TTC33: variants seen among roughly 807,000 people sequenced by gnomAD.
TTC33 encodes the protein tetratricopeptide repeat domain 33.
In TTC33, 24 loss-of-function variants were observed where a neutral mutation model predicts 29.4. The observed-to-expected ratio is 0.82, with a 90% confidence interval of 0.59 to 1.15. The LOEUF (loss-of-function observed/expected upper bound fraction) is 1.15. TTC33 is among the 50% of genes most tolerant of loss of function. The pLI is 0.00. For missense variants in TTC33, 286 were observed against 310.4 expected (o/e 0.92, Z 0.59); for synonymous variants, 107 against 100.3 (o/e 1.07, Z -0.40).
chr5:40,728,278 T>G, intron 4 of TTC33, 67 bp downstream of exon 4: 1 of 173,852 alleles, frequency 5.8e-6, no homozygotes, highest in Non-Finnish European at 1.0e-5. Context: ...CAAGACTCCA[T>G]CTCAAAAAAA....
intron 1 of TTC33, among the ~76,000 whole-genome samples, chr5:40,755,509 C>G (rs1742968685): frequency 6.6e-6 from 1 of 152,238 alleles, no homozygotes. Flanking sequence ...CCGGCTCGTC[C>G]CGCCCGTCCC....
rs1222934034 is a variant in TTC33 at position 40,714,686 on chromosome 5, T to A, written c.*1459A>T. The A allele has an allele frequency of 6.6e-6, 1 of 152,240 alleles. No individual in the cohort carries two copies. The highest frequency in any genetic ancestry group is 1.5e-5 in the Non-Finnish European group (1 of 67,970). The allele number at this position is 152,240 out of a possible 1,614,324, so 9.4% of individuals were successfully genotyped here. The stretch of plus-strand genomic sequence containing the variant: ...GAGCTAATTTTCTGATGATATAACT[T>A]AAGGAAAGAATATTCTTTTCAAGGC... On this transcript the variant is annotated 3_prime_UTR_variant, in exon 5 of 5. Transcript: ENST00000337702.
intron 3 of TTC33, among the ~76,000 whole-genome samples, chr5:40,729,706 T>A (rs1351975919): frequency 6.6e-6 from 1 of 152,084 alleles, no homozygotes; most frequent in Non-Finnish European, 1.5e-5. Flanking sequence ...TATTTACTTA[T>A]TTATTTTTTT....
At chr5:40,724,661 A>G (rs1287353605) in intron 4 of TTC33, among the ~76,000 whole-genome samples, 1 of 152,052 alleles carries the variant, frequency 6.6e-6, no homozygotes, top group Non-Finnish European at 1.5e-5. Flanking sequence ...CAAACAAAAA[A>G]AAACAGAACA....
At chr5:40,731,362 ACAC>A (rs1742423367) in intron 2 of TTC33, among the ~76,000 whole-genome samples, 1 of 80,120 alleles carries the variant, frequency 1.2e-5, no homozygotes, top group African/African-American at 4.3e-5. Context: ...ATCCCCTGCT[ACAC>A]ATACACACAC....
intron 4 of TTC33, among the ~76,000 whole-genome samples, chr5:40,718,971 T>C (rs1229696981): frequency 6.6e-6 from 1 of 152,174 alleles, no homozygotes; most frequent in African/African-American, 2.4e-5. Context: ...CTTAATATTC[T>C]AATAAAAATC....
rs138219722 is a variant in TTC33, at chr5:40,751,058, A to T, written c.-1-4039T>A. 6.6e-5 allele frequency among the ~76,000 whole-genome samples: 10 copies of T among 152,366 alleles called. No homozygotes were observed. In the East Asian group the frequency reaches 1.3e-3, roughly 21 times the overall value. On this transcript the variant is annotated intron_variant, in intron 1 of 4. Transcript: ENST00000337702. Reference sequence around the variant, plus strand: ...GTTGATATTTTGACCACCTCCCATGAATCACAAATATTCCTAATGGTTATC... The same window carrying T: ...GTTGATATTTTGACCACCTCCCATGTATCACAAATATTCCTAATGGTTATC...
chr5:40,731,877 C>A (rs1435403042), intron 2 of TTC33, among the ~76,000 whole-genome samples: 2 of 152,246 alleles, frequency 1.3e-5, no homozygotes, highest in Non-Finnish European at 2.9e-5. Context: ...AGTACCACTT[C>A]AGACCACATA....
At chr5:40,752,465 T>G (rs1405908334) in intron 1 of TTC33, among the ~76,000 whole-genome samples, 1 of 152,234 alleles carries the variant, frequency 6.6e-6, no homozygotes, top group Non-Finnish European at 1.5e-5. Flanking sequence ...GATGTGTAAC[T>G]CTTCCTTTCA....
rs145187735 is a variant in TTC33 at position 40,719,848 on chromosome 5, T to C, written c.436-3350A>G. Among the ~76,000 whole-genome samples the C allele has an allele frequency of 1.1e-3, 174 of 152,344 alleles. 1 individual carries two copies. The highest frequency in any genetic ancestry group is 4.0e-3 in the African/African-American group (168 of 41,590). ...TGTGTGTGTATCTTCTTTGGAAAAATACCTTTTCAAATCCTTTGTCTATTT... is the reference window on the plus strand; with the variant it reads ...TGTGTGTGTATCTTCTTTGGAAAAACACCTTTTCAAATCCTTTGTCTATTT... On this transcript the variant is annotated intron_variant, in intron 4 of 4. Transcript: ENST00000337702.
At chr5:40,721,686 A>G (rs1742139177) in intron 4 of TTC33, among the ~76,000 whole-genome samples, 1 of 150,218 alleles carries the variant, frequency 6.7e-6, no homozygotes, top group Non-Finnish European at 1.5e-5. Context: ...AAAAACAAAA[A>G]CAAAACAAAA....
intron 4 of TTC33, among the ~76,000 whole-genome samples, chr5:40,719,012 C>T (rs963378892): frequency 6.6e-6 from 1 of 152,050 alleles, no homozygotes; most frequent in Non-Finnish European, 1.5e-5. Context: ...AAAATAAATA[C>T]CTCTTCATGG....
intron 4 of TTC33, among the ~76,000 whole-genome samples, chr5:40,724,360 C>A (rs1327870645): frequency 6.6e-6 from 1 of 152,124 alleles, no homozygotes; most frequent in Non-Finnish European, 1.5e-5. Flanking sequence ...TGAGGCAAGG[C>A]ACAGTGGCTC....
chr5:40,745,259 T>C (rs1235476164), intron 2 of TTC33, among the ~76,000 whole-genome samples: 5 of 152,046 alleles, frequency 3.3e-5, no homozygotes, highest in Admixed American at 6.6e-5. Context: ...GAACTAATAT[T>C]AGATATAAAA....
intron 4 of TTC33, among the ~76,000 whole-genome samples, chr5:40,723,125 T>C (rs2111877924): frequency 6.6e-6 from 1 of 152,270 alleles, no homozygotes; most frequent in African/African-American, 2.4e-5. Context: ...TGTTAATCTA[T>C]AACCTTACCC....
At chr5:40,751,618 A>C (rs998736595) in intron 1 of TTC33, among the ~76,000 whole-genome samples, 2 of 152,210 alleles carry the variant, frequency 1.3e-5, no homozygotes, top group Non-Finnish European at 2.9e-5. Context: ...CAGCTATGAA[A>C]GTCCTGGAGA....
rs1327764057 is a variant in TTC33, at chr5:40,722,119, C to T, written c.436-5621G>A. On this transcript the variant is annotated intron_variant, in intron 4 of 4. Transcript: ENST00000337702. ...TACTCGGGAGGTGAGGCAGGAGAAC[C>T]GCTTAAACCCGGGAGGCGGAGGTTG... Among the ~76,000 whole-genome samples, 5 of 152,136 alleles carry T rather than the reference C, an allele frequency of 3.3e-5. No individual in the cohort carries two copies. The East Asian group carries it at 5.8e-4, about 18-fold the overall frequency.
intron 4 of TTC33, among the ~76,000 whole-genome samples, chr5:40,719,036 C>A (rs919378429): frequency 1.3e-5 from 2 of 152,200 alleles, no homozygotes; most frequent in Admixed American, 1.3e-4. Flanking sequence ...AAAGCTAATG[C>A]CTTAGGAAAC....
chr5:40,735,603 T>C (rs1487143995), intron 2 of TTC33, among the ~76,000 whole-genome samples: 2 of 152,038 alleles, frequency 1.3e-5, no homozygotes, highest in Non-Finnish European at 2.9e-5. Flanking sequence ...GAAGAATAAA[T>C]ACAAGGTCTA....
Sources: allele counts gnomAD v4.1 joint callset (sites outside exome capture counted in the v4.1 genomes callset), GRCh38; gene constraint gnomAD v4.1.1; transcripts MANE v1.5; gene names NCBI Gene and HGNC (gene_info 2026-07-23, HGNC 2026-07-21).